The following CPPED1 variants were observed in gnomAD, a reference collection of about 807,000 sequenced individuals.
CPPED1 encodes serine/threonine-protein phosphatase CPPED1.
In CPPED1, 28 loss-of-function variants were observed where a neutral mutation model predicts 28.0. The ratio of observed to expected loss-of-function variants is 1.00; its 90% CI spans 0.74 to 1.37. The LOEUF is 1.37. Among genes scored for constraint, CPPED1 ranks in the 40% most tolerant of loss-of-function variants. The pLI is 0.00. For missense variants in CPPED1, 504 were observed against 416.5 expected (o/e 1.21, Z -1.83); for synonymous variants, 198 against 180.2 (o/e 1.10, Z -0.79).
At chr16:12,718,049 C>A (rs534037797) in intron 2 of CPPED1, among the ~76,000 whole-genome samples, 1 of 152,356 alleles carries the variant, frequency 6.6e-6, no homozygotes, top group South Asian at 2.1e-4. Flanking sequence ...ATGGGAAAGA[C>A]TACACTGTCT....
chr16:12,748,645 G>A (rs2080306932), intron 2 of CPPED1, among the ~76,000 whole-genome samples: 1 of 152,150 alleles, frequency 6.6e-6, no homozygotes, highest in African/African-American at 2.4e-5. Flanking sequence ...CAGCACTTTG[G>A]AAGGCTGAGG....
At chr16:12,797,746 G>C (rs2080636226) in intron 1 of CPPED1, among the ~76,000 whole-genome samples, 1 of 151,996 alleles carries the variant, frequency 6.6e-6, no homozygotes, top group African/African-American at 2.4e-5. Flanking sequence ...TTTTAAGAAA[G>C]TTTAGGAATT....
At chr16:12,691,178 G>A (rs13330596) in intron 3 of CPPED1, among the ~76,000 whole-genome samples, 8,485 of 152,276 alleles carry the variant, frequency 0.056, 512 homozygotes, top group African/African-American at 0.15. Flanking sequence ...GTCTCCCCAC[G>A]CTGCAGTTTC....
At chr16:12,771,210 C>G (rs1298329354) in intron 2 of CPPED1, among the ~76,000 whole-genome samples, 1 of 152,194 alleles carries the variant, frequency 6.6e-6, no homozygotes, top group Non-Finnish European at 1.5e-5. Flanking sequence ...GCACAGATTT[C>G]TGTCTGTTTC....
intron 3 of CPPED1, among the ~76,000 whole-genome samples, chr16:12,665,646 A>T (rs2079821483): frequency 6.6e-6 from 1 of 152,088 alleles, no homozygotes; most frequent in Admixed American, 6.6e-5. Context: ...ATAAAAAAAA[A>T]TGACCAGGTG....
intron 2 of CPPED1, among the ~76,000 whole-genome samples, chr16:12,759,578 A>C (rs138653729): frequency 6.6e-6 from 1 of 152,336 alleles, no homozygotes; most frequent in African/African-American, 2.4e-5. Context: ...GTTCTCACCT[A>C]AATCTCATCT....
At chr16:12,757,849 C>A (rs893168120) in intron 2 of CPPED1, 2 of 150,616 alleles carry the variant, frequency 1.3e-5, no homozygotes, top group African/African-American at 4.9e-5. Context: ...GCTGGAAAGA[C>A]CATGTTTCCA....
intron 2 of CPPED1, chr16:12,757,624 C>T (rs955411548): frequency 7.1e-6 from 1 of 140,632 alleles, no homozygotes; most frequent in Non-Finnish European, 1.5e-5. Flanking sequence ...TTCTTCCTAG[C>T]AGGCACACTG....
intron 3 of CPPED1, among the ~76,000 whole-genome samples, chr16:12,671,228 T>C (rs191648096): frequency 3.9e-4 from 59 of 152,214 alleles, no homozygotes; most frequent in Non-Finnish European, 6.3e-4. Context: ...ATACATTTGT[T>C]ACAATTAATG....
intron 1 of CPPED1, among the ~76,000 whole-genome samples, chr16:12,801,751 C>G (rs981965572): frequency 3.3e-5 from 5 of 152,064 alleles, no homozygotes; most frequent in African/African-American, 1.2e-4. Flanking sequence ...TTGGCATTCT[C>G]AAATTAGGAT....
intron 2 of CPPED1, chr16:12,760,895 T>G (rs1333592966): frequency 6.6e-6 from 1 of 152,214 alleles, no homozygotes; most frequent in Non-Finnish European, 1.5e-5. Flanking sequence ...CTGCTTCCAT[T>G]TGCAGACATG....
intron 2 of CPPED1, among the ~76,000 whole-genome samples, chr16:12,735,145 A>T (rs2080220088): frequency 6.6e-6 from 1 of 152,164 alleles, no homozygotes; most frequent in Non-Finnish European, 1.5e-5. Flanking sequence ...TCGGGTACAA[A>T]TTCCCTTTTA....
rs1347395908 is a variant in CPPED1 at position 12,705,034 on chromosome 16, G to A, written c.305C>T (p.Thr102Met). ...TCGCTTCAGGTCCTCCGTCTGCTCCGTCCGCCACGGCTTCCCTGGAAGAGT... is the reference window on the plus strand; with the variant it reads ...TCGCTTCAGGTCCTCCGTCTGCTCCATCCGCCACGGCTTCCCTGGAAGAGT... ...IHAMPGKPWRTEQTEDLKRVL... is the reference protein window; with the variant it reads ...IHAMPGKPWRMEQTEDLKRVL... The change falls in exon 3 of 4, where the codon ACG becomes ATG. Residue 102 changes from threonine to methionine, a missense_variant. By Grantham distance (81) the Thr-to-Met change is moderately conservative. Coordinates refer to ENST00000381774, the MANE Select transcript of CPPED1 (RefSeq NM_018340.3). 14 of 1,608,350 alleles carry A rather than the reference G, an allele frequency of 8.7e-6. No homozygotes were observed. The highest frequency in any genetic ancestry group is 2.2e-5 in the South Asian group (2 of 90,774).
In CPPED1 at chr16:12,713,709, AT is replaced by A. The variant is rs145370900; in HGVS notation, c.290-8661del. ...ACTAAAATATGATATGTGTTTCTCA[AT>A]TTTTTTTTCATTATTGCTGCCCCCA... On this transcript the variant is annotated intron_variant, in intron 2 of 3. Coordinates refer to ENST00000381774, the MANE Select transcript of CPPED1 (RefSeq NM_018340.3). 5.2e-3 allele frequency among the ~76,000 whole-genome samples: 792 copies of A among 151,240 alleles called. 6 individuals are homozygous for A. The highest frequency in any genetic ancestry group is 0.018 in the African/African-American group (754 of 41,148).
intron 2 of CPPED1, among the ~76,000 whole-genome samples, chr16:12,774,530 C>G (rs2080486802): frequency 1.3e-5 from 2 of 151,980 alleles, no homozygotes; most frequent in Non-Finnish European, 2.9e-5. Context: ...TCTTAGAAAT[C>G]TCTTTTATTA....
At chr16:12,785,960 A>C in intron 1 of CPPED1, among the ~76,000 whole-genome samples, 1 of 150,966 alleles carries the variant, frequency 6.6e-6, no homozygotes, top group African/African-American at 2.4e-5. Flanking sequence ...ACCAAAAGAC[A>C]CTCAGGGGTC....
intron 2 of CPPED1, among the ~76,000 whole-genome samples, chr16:12,717,130 C>G (rs2080111275): frequency 6.6e-6 from 1 of 152,006 alleles, no homozygotes; most frequent in Admixed American, 6.6e-5. Flanking sequence ...GACCAGGGAG[C>G]CTTTTGGAAA....
intron 2 of CPPED1, among the ~76,000 whole-genome samples, chr16:12,756,722 A>G (rs2141223308): frequency 6.6e-6 from 1 of 152,232 alleles, no homozygotes; most frequent in Admixed American, 6.5e-5. Context: ...AAAAAATAAA[A>G]TTAAAACAGT....
At chr16:12,770,748 G>C (rs562664420) in intron 2 of CPPED1, among the ~76,000 whole-genome samples, 7 of 152,178 alleles carry the variant, frequency 4.6e-5, no homozygotes, top group Admixed American at 3.3e-4. Context: ...CTTGAACCCG[G>C]GAGGCAGAGG....
Sources: gnomAD v4.1 joint callset for allele counts (sites outside exome capture counted in the v4.1 genomes callset) on GRCh38, gnomAD v4.1.1 for gene constraint, MANE v1.5 for transcripts, NCBI Gene and HGNC (gene_info 2026-07-23, HGNC 2026-07-21) for gene names.